The following UBE2F variants were observed in gnomAD, a reference collection of about 807,000 sequenced individuals.
UBE2F encodes the protein ubiquitin conjugating enzyme E2 F (putative), also known as NEDD8-conjugating enzyme UBE2F.
Under a neutral mutation model 29.6 loss-of-function variants are expected in UBE2F, and 5 were observed. The observed-to-expected ratio is 0.17, with a 90% CI of 0.09 to 0.36. The LOEUF (loss-of-function observed/expected upper bound fraction) is 0.36. UBE2F is among the 10% of genes least tolerant of loss of function. The pLI is 1.00. For missense variants in UBE2F, 141 were observed against 228.5 expected, an observed-to-expected ratio of 0.62 and a Z score of 2.47; for synonymous variants, 66 against 81.8, an observed-to-expected ratio of 0.81 and a Z score of 1.04.
At chr2:238,022,768 G>A (rs1375258847) in intron 5 of UBE2F, among the ~76,000 whole-genome samples, 2 of 152,164 alleles carry the variant, frequency 1.3e-5, no homozygotes, top group Non-Finnish European at 2.9e-5. Context: ...AGTGATGGTG[G>A]CCGTGCCAAG....
intron 6 of UBE2F, among the ~76,000 whole-genome samples, chr2:238,029,877 A>G (rs2064531427): frequency 2.0e-5 from 3 of 152,196 alleles, no homozygotes; most frequent in East Asian, 3.8e-4. Flanking sequence ...CATACACATA[A>G]TAAGCTCTAA....
intron 2 of UBE2F, among the ~76,000 whole-genome samples, chr2:237,983,781 C>G (rs2063424590): frequency 6.6e-6 from 1 of 152,194 alleles, no homozygotes; most frequent in South Asian, 2.1e-4. Context: ...GATCCACTTC[C>G]AATGGCCTTT....
At chr2:237,986,182 G>A (rs1360735033) in intron 2 of UBE2F, 24 of 386,574 alleles carry the variant, frequency 6.2e-5, no homozygotes, top group African/African-American at 4.8e-5. Context: ...ACTCTGTCAC[G>A]TAGAGTGAGT....
chr2:237,991,828 C>T (rs1026404037), intron 3 of UBE2F, among the ~76,000 whole-genome samples: 1 of 150,452 alleles, frequency 6.6e-6, no homozygotes, highest in Non-Finnish European at 1.5e-5. Flanking sequence ...AGCCGCTGCG[C>T]CTGGCATAGT....
At chr2:238,025,262 G>C in intron 5 of UBE2F, 80 bp from the exon 6 acceptor site, 5 of 1,203,308 alleles carry the variant, frequency 4.2e-6, no homozygotes, top group Non-Finnish European at 6.2e-6. Context: ...TCTAGATAGG[G>C]GATGTGGTAA....
intron 5 of UBE2F, among the ~76,000 whole-genome samples, chr2:238,020,089 C>T (rs1484761342): frequency 6.6e-6 from 1 of 152,168 alleles, no homozygotes; most frequent in East Asian, 1.9e-4. Context: ...GGGTGTAGTA[C>T]TTGGCTGAAC....
intron 2 of UBE2F, among the ~76,000 whole-genome samples, chr2:237,977,986 C>T (rs771754339): frequency 3.4e-4 from 51 of 151,868 alleles, no homozygotes; most frequent in Non-Finnish European, 5.6e-4. Flanking sequence ...GTGGGGTAGG[C>T]GAGGGAAGCA....
At chr2:237,996,293 A>G (rs1576607442) in intron 4 of UBE2F, among the ~76,000 whole-genome samples, 1 of 152,082 alleles carries the variant, frequency 6.6e-6, no homozygotes, top group African/African-American at 2.4e-5. Flanking sequence ...ATTTTCTTTC[A>G]TCTGCCTTTC....
chr2:237,988,462 T>A (rs559829097), intron 3 of UBE2F, among the ~76,000 whole-genome samples: 5 of 149,890 alleles, frequency 3.3e-5, no homozygotes, highest in African/African-American at 1.2e-4. Flanking sequence ...AAAAAAAAAA[T>A]TGGATTAGCT....
intron 2 of UBE2F, chr2:237,986,172 ACT>A (rs778486514): frequency 5.4e-6 from 2 of 372,582 alleles, no homozygotes; most frequent in South Asian, 3.9e-5. Context: ...ACGGGGTCTC[ACT>A]CTGTCACGTA....
chr2:237,975,295 A>C (rs1409988523), intron 2 of UBE2F, among the ~76,000 whole-genome samples: 1 of 151,274 alleles, frequency 6.6e-6, no homozygotes, highest in Non-Finnish European at 1.5e-5. Flanking sequence ...TTTTTTGTAG[A>C]GATGGGGTTT....
intron 4 of UBE2F, among the ~76,000 whole-genome samples, chr2:238,005,355 C>T (rs1474368685): frequency 6.6e-6 from 1 of 152,144 alleles, no homozygotes; most frequent in Admixed American, 6.5e-5. Context: ...TGCTACCACA[C>T]CTGGCTGATT....
chr2:238,018,279 A>T (rs986602790), intron 5 of UBE2F, among the ~76,000 whole-genome samples: 2 of 152,206 alleles, frequency 1.3e-5, no homozygotes, highest in Non-Finnish European at 2.9e-5. Flanking sequence ...AAAATTCTGT[A>T]TTTAGATTTG....
chr2:238,012,123 A>G (rs2064047080), intron 4 of UBE2F, among the ~76,000 whole-genome samples: 1 of 151,802 alleles, frequency 6.6e-6, no homozygotes, highest in South Asian at 2.1e-4. Flanking sequence ...AACTCAAGCA[A>G]GCCACCTGCC....
At chr2:238,009,913 T>TATGCCC (rs1437513999) in intron 4 of UBE2F, among the ~76,000 whole-genome samples, 1 of 152,196 alleles carries the variant, frequency 6.6e-6, no homozygotes, top group Non-Finnish European at 1.5e-5. Flanking sequence ...ATACCACAGA[T>TATGCCC]ATGCCCACCA....
Position 238,042,280 on chromosome 2 carries a change from G to C in UBE2F, c.*942G>C, listed in dbSNP as rs1264858066. ...TGCAGTGGTCATGTGATTGTGACCT[G>C]GTAGCTACTTATCAGAGAGCCAGAC... is the stretch of plus-strand genomic sequence containing the variant. On this transcript the variant is annotated 3_prime_UTR_variant, in exon 10 of 10. Transcript: ENST00000272930. 1 of 152,226 alleles carries C rather than the reference G, an allele frequency of 6.6e-6. No individual in the cohort carries two copies. The highest frequency in any genetic ancestry group is 1.5e-5 in the Non-Finnish European group (1 of 68,066). The allele number at this position is 152,226 out of a possible 1,614,324, so 9.4% of individuals were successfully genotyped here. A position where few individuals can be genotyped will look rare whatever the true frequency, so the allele number is the denominator to read the frequency against.
Position 238,022,175 on chromosome 2 carries a change from C to CTTTTTTTTTTT in UBE2F, c.283-3166_283-3156dup, listed in dbSNP as rs1162304454. Among the ~76,000 whole-genome samples, 21 of 63,342 alleles carry CTTTTTTTTTTT rather than the reference C, an allele frequency of 3.3e-4. 1 individual carries two copies. The highest frequency in any genetic ancestry group is 4.2e-4 in the African/African-American group (10 of 24,020). 41.6% of individuals were successfully genotyped at this position (63,342 alleles called of 152,430 possible). A position where few individuals can be genotyped will look rare whatever the true frequency, so the allele number is the denominator to read the frequency against. On this transcript the variant is annotated intron_variant, in intron 5 of 9. Coordinates refer to ENST00000272930, the MANE Select transcript of UBE2F (RefSeq NM_080678.3). ...ATTTCTTTTTCTTTTCTTTTCTTTT[C>CTTTTTTTTTTT]TTTTTTTTTTTGGAGACAGAGTCTT...
chr2:238,016,161 G>A (rs1003948967), intron 4 of UBE2F, among the ~76,000 whole-genome samples: 22 of 152,198 alleles, frequency 1.4e-4, no homozygotes, highest in African/African-American at 5.1e-4. Context: ...TTAGTCTTGT[G>A]TCCTCCAATT....
chr2:238,009,817 T>C (rs2063978962), intron 4 of UBE2F, among the ~76,000 whole-genome samples: 1 of 152,214 alleles, frequency 6.6e-6, no homozygotes, highest in South Asian at 2.1e-4. Context: ...TTGCATAGGA[T>C]GTCACTTCCA....
Sources: gnomAD v4.1 joint callset for allele counts (sites outside exome capture counted in the v4.1 genomes callset) on GRCh38, gnomAD v4.1.1 for gene constraint, MANE v1.5 for transcripts, NCBI Gene and HGNC (gene_info 2026-07-23, HGNC 2026-07-21) for gene names.